Variants in ACOT12 observed in about 807,000 individuals in gnomAD.
ACOT12 encodes acetyl-coenzyme A thioesterase.
ACOT12 carries 51 observed loss-of-function variants against 67.7 expected under a neutral mutation model. That is an observed-to-expected ratio of 0.75 (90% CI 0.60 to 0.95). The LOEUF (loss-of-function observed/expected upper bound fraction) is 0.95. Among genes scored for constraint, ACOT12 ranks in the 40% least tolerant of loss-of-function variants. ACOT12 has a pLI of 0.00. For missense variants in ACOT12, 734 were observed against 708.1 expected (o/e 1.04, Z -0.41); for synonymous variants, 251 against 244.6 (o/e 1.03, Z -0.24).
downstream of ACOT12, among the ~76,000 whole-genome samples, chr5:81,326,756 CACCT>C (rs1758683573): frequency 6.6e-6 from 1 of 152,158 alleles, no homozygotes. Context: ...ATGCTGTGGT[CACCT>C]TGACCTATTT....
Position 81,335,656 on chromosome 5 carries a change from A to G in ACOT12, c.1262+112T>C, listed in dbSNP as rs139985604. ...TATGCTGGGTCAAACTTCTAAAAATACTCTTTAAACAATGGGTCACACATT... is the reference window on the plus strand; with the variant it reads ...TATGCTGGGTCAAACTTCTAAAAATGCTCTTTAAACAATGGGTCACACATT... On this transcript the variant is annotated intron_variant, in intron 12 of 14. Transcript: ENST00000307624. The G allele has an allele frequency of 7.9e-4, 1,033 of 1,308,458 alleles. 9 individuals are homozygous for G. In the African/African-American group the frequency reaches 0.012, roughly 15 times the overall value. 81.1% of individuals were successfully genotyped at this position (1,308,458 alleles called of 1,614,324 possible). A position where few individuals can be genotyped will look rare whatever the true frequency, so the allele number is the denominator to read the frequency against.
intron 2 of ACOT12, among the ~76,000 whole-genome samples, chr5:81,372,500 A>G: frequency 6.6e-6 from 1 of 152,066 alleles, no homozygotes; most frequent in East Asian, 1.9e-4. Context: ...GGATCTCTTG[A>G]GACCTAATCT....
intron 2 of ACOT12, among the ~76,000 whole-genome samples, chr5:81,382,514 T>C (rs989797559): frequency 6.6e-6 from 1 of 152,116 alleles, no homozygotes; most frequent in African/African-American, 2.4e-5. Context: ...ATAATAACAT[T>C]GCCCAGGCGC....
At chr5:81,359,780 A>G (rs1038893966) in intron 5 of ACOT12, 123 bp downstream of exon 5, 1 of 1,071,988 alleles carries the variant, frequency 9.3e-7, no homozygotes, top group African/African-American at 1.6e-5. Flanking sequence ...TTTGTTGGAA[A>G]GGATACCTAG....
chr5:81,339,345 G>A (rs546144087), intron 11 of ACOT12, among the ~76,000 whole-genome samples: 1 of 152,298 alleles, frequency 6.6e-6, no homozygotes, highest in South Asian at 2.1e-4. Flanking sequence ...CCTATACTAG[G>A]GGTCTGTCCT....
At chr5:81,370,602 C>T (rs1760219399) in intron 3 of ACOT12, among the ~76,000 whole-genome samples, 1 of 152,132 alleles carries the variant, frequency 6.6e-6, no homozygotes, top group Non-Finnish European at 1.5e-5. Context: ...GCAGTGGAAG[C>T]CAAGAAATAC....
the ACOT12 span, among the ~76,000 whole-genome samples, chr5:81,318,272 C>T: frequency 6.6e-6 from 1 of 152,170 alleles, no homozygotes; most frequent in Admixed American, 6.5e-5. Flanking sequence ...GTTTTCCCAG[C>T]ACTGTTTGTT....
chr5:81,388,881 G>C (rs140625329), intron 1 of ACOT12, among the ~76,000 whole-genome samples: 2,023 of 152,232 alleles, frequency 0.013, 16 homozygotes, highest in Middle Eastern at 0.071. Context: ...GGTTTTATAA[G>C]GGGAAACCCC....
intron 12 of ACOT12, among the ~76,000 whole-genome samples, chr5:81,334,815 A>G (rs940136678): frequency 2.6e-5 from 4 of 152,172 alleles, no homozygotes; most frequent in Non-Finnish European, 5.9e-5. Context: ...TGCAGTTGGC[A>G]GGGTGCACAG....
chr5:81,375,379 C>G (rs940452570), intron 2 of ACOT12, among the ~76,000 whole-genome samples: 2 of 152,034 alleles, frequency 1.3e-5, no homozygotes, highest in Non-Finnish European at 2.9e-5. Context: ...ACCAGCCACT[C>G]CAAAAACATA....
chr5:81,386,757 A>G (rs1172536366), intron 1 of ACOT12, among the ~76,000 whole-genome samples: 1 of 152,178 alleles, frequency 6.6e-6, no homozygotes, highest in Non-Finnish European at 1.5e-5. Context: ...TTATAACTAC[A>G]TATGTATTAA....
intron 2 of ACOT12, among the ~76,000 whole-genome samples, chr5:81,376,572 G>A (rs536739649): frequency 6.6e-6 from 1 of 151,782 alleles, no homozygotes; most frequent in Admixed American, 6.6e-5. Context: ...GAAAACGTCA[G>A]CAAATAGATA....
In ACOT12 at chr5:81,345,896, T is replaced by C. The variant is rs1759364589; in HGVS notation, c.762A>G (p.Thr254=). ...RLVFTAIVNN[T]FQTCVEVGVR... Reference sequence around the variant, plus strand: ...AGGGCTCACTTTACCAGGTCTGAAATGTATTGTTGACAATGGCAGTGAAGA... The same window carrying C: ...AGGGCTCACTTTACCAGGTCTGAAACGTATTGTTGACAATGGCAGTGAAGA... The change falls in exon 7 of 15, where the codon ACA becomes ACG. Residue 254 remains threonine, a synonymous_variant. Coordinates refer to ENST00000307624, the MANE Select transcript of ACOT12 (RefSeq NM_130767.3). The C allele has an allele frequency of 1.9e-6, 3 of 1,613,798 alleles. No homozygotes were observed. The African/African-American group carries it at 4.0e-5, about 22-fold the overall frequency.
intron 5 of ACOT12, among the ~76,000 whole-genome samples, chr5:81,350,612 C>T (rs1759523288): frequency 6.6e-6 from 1 of 152,196 alleles, no homozygotes; most frequent in South Asian, 2.1e-4. Context: ...CACAAAGGAG[C>T]TGCATTTGCA....
At chr5:81,371,285 C>T (rs1247583256) in intron 3 of ACOT12, among the ~76,000 whole-genome samples, 1 of 152,090 alleles carries the variant, frequency 6.6e-6, no homozygotes, top group Non-Finnish European at 1.5e-5. Context: ...CAAAGTCTTG[C>T]TATGTCACCC....
At chr5:81,379,572 ATCATTCCCATT>A (rs1760520059) in intron 2 of ACOT12, among the ~76,000 whole-genome samples, 1 of 152,166 alleles carries the variant, frequency 6.6e-6, no homozygotes, top group African/African-American at 2.4e-5. Flanking sequence ...GGTGGGCATT[ATCATTCCCATT>A]TCATTCCCAT....
chr5:81,346,049 T>A, intron 6 of ACOT12, 45 bp from the exon 7 acceptor site: 1 of 1,601,336 alleles, frequency 6.2e-7, no homozygotes, highest in Non-Finnish European at 8.5e-7. Flanking sequence ...GATCACACAT[T>A]CATTCATCGA....
chr5:81,336,005 G>T, intron 11 of ACOT12, 104 bp from the exon 12 acceptor site: 4 of 1,192,498 alleles, frequency 3.4e-6, no homozygotes, highest in Non-Finnish European at 4.6e-6. Flanking sequence ...ACTAACTAAG[G>T]CATCTTATTT....
At chr5:81,350,011 A>ACT (rs1759504828) in intron 5 of ACOT12, among the ~76,000 whole-genome samples, 1 of 152,156 alleles carries the variant, frequency 6.6e-6, no homozygotes, top group Non-Finnish European at 1.5e-5. Flanking sequence ...ATGAGTTCCA[A>ACT]CATCTTTTTA....
Sources: gnomAD v4.1 joint callset for allele counts (sites outside exome capture counted in the v4.1 genomes callset) on GRCh38, gnomAD v4.1.1 for gene constraint, MANE v1.5 for transcripts, NCBI Gene and HGNC (gene_info 2026-07-23, HGNC 2026-07-21) for gene names.